Variants in UBQLN1 observed in about 807,000 individuals in gnomAD.
UBQLN1 encodes ubiquilin 1.
A neutral mutation model predicts 65.4 loss-of-function variants in UBQLN1; 13 were observed. The observed-to-expected ratio is 0.20, with a 90% CI of 0.13 to 0.32. UBQLN1 has a LOEUF of 0.32. UBQLN1 is among the 10% of genes least tolerant of loss of function. UBQLN1 has a pLI of 1.00. For missense variants in UBQLN1, 561 were observed against 724.0 expected, an observed-to-expected ratio of 0.77 and a Z score of 2.58; for synonymous variants, 267 against 247.8, an observed-to-expected ratio of 1.08 and a Z score of -0.73.
intron 7 of UBQLN1, chr9:83,666,981 A>T (rs950556855): frequency 1.3e-5 from 2 of 152,384 alleles, no homozygotes; most frequent in Non-Finnish European, 2.9e-5. Context: ...CCAACTTGCC[A>T]GAGAAATGGA....
chr9:83,695,149 C>CAA (rs1216870956), intron 1 of UBQLN1, among the ~76,000 whole-genome samples: 3 of 126,502 alleles, frequency 2.4e-5, no homozygotes, highest in Non-Finnish European at 1.7e-5. Context: ...CAGAATCACC[C>CAA]AAAAAAAAAA....
intron 10 of UBQLN1, among the ~76,000 whole-genome samples, chr9:83,663,071 A>G (rs1412059483): frequency 2.6e-5 from 2 of 78,292 alleles, no homozygotes; most frequent in African/African-American, 7.9e-5. Flanking sequence ...AAAGGGAAAG[A>G]AAAAAAAAAA....
chr9:83,663,879 G>T lies in UBQLN1; in HGVS notation c.1613C>A (p.Pro538His), dbSNP rs755897986. Reference protein sequence around the residue: ...QMLQALAGVNPQLQNPEVRFQ... With the variant: ...QMLQALAGVNHQLQNPEVRFQ... ...TGAATGGAAAAGAACTGATACCTGAGGATTTACTCCAGCAAGAGCCTGCAG... is the reference window on the plus strand; with the variant it reads ...TGAATGGAAAAGAACTGATACCTGATGATTTACTCCAGCAAGAGCCTGCAG... The change falls in exon 10 of 11, where the codon CCT becomes CAT. Residue 538 changes from proline to histidine, a missense_variant. This residue lies in a region of UBQLN1 where 68 missense variants were observed against 62.2 expected (regional missense o/e 1.09). Transcript: ENST00000376395. 6.2e-7 allele frequency: 1 copy of T among 1,612,920 alleles called. No homozygotes were observed. Among genetic ancestry groups the T allele is most frequent in the Non-Finnish European group, 8.5e-7 (1 of 1,179,574 alleles).
At chr9:83,668,533 A>C (rs893584176) in intron 7 of UBQLN1, 13 of 985,316 alleles carry the variant, frequency 1.3e-5, no homozygotes, top group Non-Finnish European at 3.6e-6. Context: ...AAAATCTCTA[A>C]GGATGAGGCC....
intron 6 of UBQLN1, among the ~76,000 whole-genome samples, chr9:83,675,789 CA>C (rs1328682381): frequency 1.3e-5 from 2 of 152,194 alleles, no homozygotes; most frequent in Non-Finnish European, 2.9e-5. Context: ...AGTCTCACTA[CA>C]TATCAGTATT....
intron 6 of UBQLN1, 30 bp from the exon 7 acceptor site, chr9:83,669,357 T>G: frequency 6.4e-7 from 1 of 1,560,802 alleles, no homozygotes; most frequent in Non-Finnish European, 8.6e-7. Context: ...AAAGACATAT[T>G]AAGGAAAAAT....
intron 6 of UBQLN1, among the ~76,000 whole-genome samples, chr9:83,677,213 T>C (rs554897262): frequency 6.6e-6 from 1 of 152,316 alleles, no homozygotes; most frequent in South Asian, 2.1e-4. Context: ...CACAGGTAAC[T>C]AGTAACAACT....
chr9:83,691,348 A>G (rs7026362), intron 1 of UBQLN1, among the ~76,000 whole-genome samples: 4,404 of 152,220 alleles, frequency 0.029, 223 homozygotes, highest in African/African-American at 0.1. Context: ...ATCCATTAAC[A>G]TCGTATGTGG....
chr9:83,674,814 T>C (rs1831803332), intron 6 of UBQLN1, among the ~76,000 whole-genome samples: 2 of 152,160 alleles, frequency 1.3e-5, no homozygotes, highest in Non-Finnish European at 2.9e-5. Context: ...CTATAAATAG[T>C]CTGAATGGAA....
chr9:83,671,107 A>T (rs891196343), intron 6 of UBQLN1, among the ~76,000 whole-genome samples: 1 of 152,094 alleles, frequency 6.6e-6, no homozygotes, highest in African/African-American at 2.4e-5. Flanking sequence ...CCGTGATTAA[A>T]GGTATGAGCC....
chr9:83,681,319 CT>C (rs1407139378), intron 3 of UBQLN1, among the ~76,000 whole-genome samples: 1 of 152,202 alleles, frequency 6.6e-6, no homozygotes, highest in African/African-American at 2.4e-5. Context: ...TTACTGAGCA[CT>C]TTTTATATAT....
In UBQLN1 at chr9:83,674,671, T is replaced by C. The variant is rs188745951; in HGVS notation, c.1105+3056A>G. Among the ~76,000 whole-genome samples the C allele has an allele frequency of 3.7e-4, 57 of 152,296 alleles. 2 individuals carry two copies. Among genetic ancestry groups the C allele is most frequent in the Non-Finnish European group, 5.9e-5 (4 of 68,026 alleles). ...TTTTTCTCAGAGTTAAGGATGTCAA[T>C]ACTCAATTTAAAAACAACGCAAATG... On this transcript the variant is annotated intron_variant, in intron 6 of 10. Coordinates refer to ENST00000376395, the MANE Select transcript of UBQLN1 (RefSeq NM_013438.5).
At chr9:83,692,876 T>A (rs1554729476) in intron 1 of UBQLN1, among the ~76,000 whole-genome samples, 1 of 151,910 alleles carries the variant, frequency 6.6e-6, no homozygotes, top group Non-Finnish European at 1.5e-5. Context: ...ACAACAATAA[T>A]AAAAAAATAT....
chr9:83,697,834 C>G (rs1482951365), intron 1 of UBQLN1, among the ~76,000 whole-genome samples: 1 of 147,092 alleles, frequency 6.8e-6, no homozygotes, highest in Non-Finnish European at 1.5e-5. Flanking sequence ...CTCCCAGGTT[C>G]AAGCGATTCT....
chr9:83,685,925 T>C, intron 2 of UBQLN1, 79 bp downstream of exon 2: 1 of 1,278,008 alleles, frequency 7.8e-7, no homozygotes, highest in South Asian at 1.5e-5. Flanking sequence ...GGAAAGTAAT[T>C]TACAGCCAAC....
At chr9:83,666,509 C>A in intron 7 of UBQLN1, 76 bp from the exon 8 acceptor site, 3 of 1,412,686 alleles carry the variant, frequency 2.1e-6, no homozygotes, top group Admixed American at 1.8e-5. Flanking sequence ...ATTCTATCTT[C>A]CCCCAAGTGC....
In UBQLN1 at chr9:83,707,538, C is replaced by T. The variant is rs183587500; in HGVS notation, c.142G>A (p.Glu48Lys). The T allele has an allele frequency of 6.2e-7, 1 of 1,611,836 alleles. No individual in the cohort carries two copies. The highest frequency in any genetic ancestry group is 2.2e-5 in the East Asian group (1 of 44,574). The change falls in exon 1 of 11, where the codon GAG becomes AAG. Residue 48 changes from glutamate to lysine, a missense_variant. Transcript: ENST00000376395. ...CTATTCTCGGGCACGGCGAATTCCT[C>T]CTTTTCCTTCGGGGTCTTCACGGTG... ...KVTVKTPKEK[E>K]EFAVPENSSV... is the part of the protein sequence containing the mutation.
chr9:83,705,339 C>G (rs1832383462), intron 1 of UBQLN1, among the ~76,000 whole-genome samples: 1 of 151,122 alleles, frequency 6.6e-6, no homozygotes, highest in Non-Finnish European at 1.5e-5. Context: ...CTCCCAGGTT[C>G]AAGCGATGAT....
chr9:83,692,096 G>A (rs1024095262), intron 1 of UBQLN1, among the ~76,000 whole-genome samples: 4 of 151,562 alleles, frequency 2.6e-5, no homozygotes, highest in Non-Finnish European at 4.4e-5. Flanking sequence ...AACTTTGTAA[G>A]TTTAGCTGTC....
Sources: gnomAD v4.1 joint callset for allele counts (sites outside exome capture counted in the v4.1 genomes callset) on GRCh38, gnomAD v4.1.1 for gene constraint, gnomAD v4.1.1 regional missense constraint, MANE v1.5 for transcripts, NCBI Gene and HGNC (gene_info 2026-07-23, HGNC 2026-07-21) for gene names.